RGS6: variants seen among roughly 807,000 people sequenced by gnomAD.
RGS6 encodes regulator of G protein signaling 6.
RGS6 carries 30 observed loss-of-function variants against 78.5 expected under a neutral mutation model. The ratio of observed to expected loss-of-function variants is 0.38; its 90% CI spans 0.29 to 0.52. The LOEUF (loss-of-function observed/expected upper bound fraction) is 0.52. RGS6 is among the 20% of genes least tolerant of loss of function. The pLI is 0.85. For missense variants in RGS6, 495 were observed against 609.7 expected, an observed-to-expected ratio of 0.81 and a Z score of 1.98; for synonymous variants, 206 against 206.0, an observed-to-expected ratio of 1.00 and a Z score of 0.00.
chr14:71,972,144 A>G (rs1475859955), intron 2 of RGS6, among the ~76,000 whole-genome samples: 1 of 151,876 alleles, frequency 6.6e-6, no homozygotes, highest in Non-Finnish European at 1.5e-5. Flanking sequence ...TCCTAATGCT[A>G]TCCCTCCCCC....
At chr14:72,031,400 C>T (rs117912413) in intron 2 of RGS6, among the ~76,000 whole-genome samples, 8 of 152,140 alleles carry the variant, frequency 5.3e-5, no homozygotes, top group African/African-American at 1.2e-4. Flanking sequence ...ATAGAGTATA[C>T]GATTTTTATT....
intron 1 of RGS6, among the ~76,000 whole-genome samples, chr14:71,956,392 A>AT (rs2092795342): frequency 6.6e-6 from 1 of 151,684 alleles, no homozygotes; most frequent in Non-Finnish European, 1.5e-5. Context: ...TAGTATATAT[A>AT]TAACAGTGTG....
rs1004419680 is a variant in RGS6 at position 72,434,155 on chromosome 14, G to A, written c.185-20373G>A. Among the ~76,000 whole-genome samples the A allele has an allele frequency of 3.3e-5, 5 of 152,190 alleles. No homozygotes were observed. The East Asian group carries it at 9.7e-4, about 29-fold the overall frequency. On this transcript the variant is annotated intron_variant, in intron 3 of 17. Transcript: ENST00000553525. ...GTTTGAGATCAGCCTGGGCAAGGTAGCAAGCTCTCATCTCCACAAAAAAAT... is the reference window on the plus strand; with the variant it reads ...GTTTGAGATCAGCCTGGGCAAGGTAACAAGCTCTCATCTCCACAAAAAAAT...
chr14:72,360,581 G>T (rs1360093506), intron 3 of RGS6, among the ~76,000 whole-genome samples: 1 of 151,408 alleles, frequency 6.6e-6, no homozygotes, highest in Non-Finnish European at 1.5e-5. Context: ...ATGCACAGAG[G>T]TACAAATAAG....
intron 1 of RGS6, among the ~76,000 whole-genome samples, chr14:71,935,641 C>T (rs1194242471): frequency 6.6e-6 from 1 of 152,100 alleles, no homozygotes; most frequent in Admixed American, 6.6e-5. Context: ...GGGATTAAAG[C>T]ATCAGAAAAG....
intron 17 of RGS6, among the ~76,000 whole-genome samples, chr14:72,549,370 C>T (rs2097463039): frequency 6.6e-6 from 1 of 152,154 alleles, no homozygotes; most frequent in African/African-American, 2.4e-5. Context: ...AGGGCATTGG[C>T]AACCATCGTG....
chr14:72,422,998 A>AT (rs1174693401), intron 3 of RGS6, among the ~76,000 whole-genome samples: 2 of 152,212 alleles, frequency 1.3e-5, no homozygotes, highest in African/African-American at 4.8e-5. Flanking sequence ...GAGAGAATAA[A>AT]TTTCCATTGT....
rs140513124 is a variant in RGS6 at position 72,548,715 on chromosome 14, C to A, written c.1422+8621C>A. On this transcript the variant is annotated intron_variant, in intron 17 of 17. Coordinates refer to ENST00000553525, the MANE Select transcript of RGS6 (RefSeq NM_001204424.2). The stretch of plus-strand genomic sequence containing the variant: ...AGGCTGGAGTAAAAATGTCTAGCCC[C>A]CCAGCAGACTTGATGGCCACCGTGA... Among the ~76,000 whole-genome samples the A allele has an allele frequency of 4.0e-3, 615 of 152,230 alleles. 5 individuals carry two copies. Among genetic ancestry groups the A allele is most frequent in the African/African-American group, 0.014 (579 of 41,524 alleles).
the RGS6 span, among the ~76,000 whole-genome samples, chr14:71,912,146 T>C: frequency 2.6e-5 from 4 of 152,326 alleles, no homozygotes; most frequent in East Asian, 1.9e-4. Flanking sequence ...GTAGGTGTTA[T>C]GTCAAAGTGG....
At chr14:72,215,953 T>C (rs1013888427) in intron 2 of RGS6, among the ~76,000 whole-genome samples, 7 of 152,248 alleles carry the variant, frequency 4.6e-5, no homozygotes, top group Admixed American at 4.6e-4. Context: ...GAGGAACCCC[T>C]ACTTTATTTT....
At chr14:72,015,299 A>T (rs2086707934) in intron 2 of RGS6, among the ~76,000 whole-genome samples, 1 of 152,052 alleles carries the variant, frequency 6.6e-6, no homozygotes, top group Admixed American at 6.5e-5. Context: ...GAGTGAATTA[A>T]CTCATTACTG....
At chr14:71,962,302 G>A (rs2093258112) in intron 1 of RGS6, among the ~76,000 whole-genome samples, 1 of 150,802 alleles carries the variant, frequency 6.6e-6, no homozygotes, top group South Asian at 2.1e-4. Flanking sequence ...GGCAGAGGGA[G>A]GCCGGGCAGA....
the RGS6 span, among the ~76,000 whole-genome samples, chr14:72,585,125 C>T: frequency 2.0e-5 from 3 of 152,154 alleles, no homozygotes; most frequent in Non-Finnish European, 4.4e-5. Context: ...AGAATACTAA[C>T]GACTCCCAAA....
At chr14:72,624,376 T>C in the RGS6 span, among the ~76,000 whole-genome samples, 19 of 144,988 alleles carry the variant, frequency 1.3e-4, no homozygotes, top group African/African-American at 4.2e-4. Flanking sequence ...TCTCACTCTG[T>C]TGCCCAAACT....
At chr14:72,360,193 T>G (rs2081176894) in intron 3 of RGS6, among the ~76,000 whole-genome samples, 1 of 152,110 alleles carries the variant, frequency 6.6e-6, no homozygotes, top group Admixed American at 6.6e-5. Flanking sequence ...GTGAGTAGTT[T>G]CAGCTAGAAA....
chr14:72,328,350 A>G (rs2074256302), intron 2 of RGS6, among the ~76,000 whole-genome samples: 8 of 152,234 alleles, frequency 5.3e-5, no homozygotes, highest in Admixed American at 2.6e-4. Context: ...CACTGACTAG[A>G]ATGCATAAAG....
intron 2 of RGS6, among the ~76,000 whole-genome samples, chr14:72,164,140 C>A (rs904397788): frequency 2.0e-5 from 3 of 152,164 alleles, no homozygotes. Flanking sequence ...TGCCGTGCCT[C>A]ACCCACTTGT....
intron 2 of RGS6, among the ~76,000 whole-genome samples, chr14:72,207,356 T>TTTTTAGGTA (rs758461608): frequency 2.0e-5 from 3 of 152,226 alleles, no homozygotes; most frequent in Non-Finnish European, 4.4e-5. Flanking sequence ...GTATATGAGA[T>TTTTTAGGTA]TACTGGAAAC....
At chr14:72,200,985 A>AAG (rs2041418316) in intron 2 of RGS6, among the ~76,000 whole-genome samples, 1 of 149,230 alleles carries the variant, frequency 6.7e-6, no homozygotes, top group Admixed American at 6.7e-5. Flanking sequence ...AAAAAAAAAA[A>AAG]AAGAAGAAGA....
Sources: allele counts gnomAD v4.1 joint callset (sites outside exome capture counted in the v4.1 genomes callset), GRCh38; gene constraint gnomAD v4.1.1; transcripts MANE v1.5; gene names NCBI Gene and HGNC (gene_info 2026-07-23, HGNC 2026-07-21).